The following AARSD1 variants were observed in gnomAD, a reference collection of about 807,000 sequenced individuals.
AARSD1 encodes the protein alanyl-tRNA synthetase domain containing 1, also known as alanyl-tRNA editing protein Aarsd1.
A neutral mutation model predicts 48.7 loss-of-function variants in AARSD1; 44 were observed. That is an observed-to-expected ratio of 0.90 (90% CI 0.71 to 1.16). The LOEUF (loss-of-function observed/expected upper bound fraction) is 1.16, where lower values mean the gene tolerates loss of function less well. Among genes scored for constraint, AARSD1 ranks in the 50% most tolerant of loss-of-function variants. The pLI is 0.00. For synonymous variants in AARSD1, 189 were observed against 194.9 expected, an observed-to-expected ratio of 0.97 and a Z score of 0.25; for missense variants, 511 against 523.1, an observed-to-expected ratio of 0.98 and a Z score of 0.23.
intron 2 of AARSD1, chr17:42,962,298 C>CAAAAAAA: frequency 9.3e-6 from 1 of 107,056 alleles, no homozygotes; most frequent in South Asian, 1.8e-4. Flanking sequence ...GACACCATCT[C>CAAAAAAA]AAAAAAAAAA....
chr17:42,960,327 A>G (rs1294348726), intron 3 of AARSD1, among the ~76,000 whole-genome samples: 2 of 151,876 alleles, frequency 1.3e-5, no homozygotes, highest in South Asian at 2.1e-4. Context: ...AGCCAGACTG[A>G]ATGTGGGGCA....
At chr17:42,963,991 G>C in intron 2 of AARSD1, 115 bp downstream of exon 2, 2 of 1,513,008 alleles carry the variant, frequency 1.3e-6, no homozygotes, top group South Asian at 1.3e-5. Context: ...ATAACAAAAT[G>C]AATTAAACTA....
chr17:42,964,076 G>C (rs762765338), intron 2 of AARSD1, 30 bp downstream of exon 2: 1 of 1,613,334 alleles, frequency 6.2e-7, no homozygotes. Context: ...AAGAAACTGG[G>C]GGCTTCCTGG....
chr17:42,961,291 G>A lies in AARSD1; in HGVS notation c.232C>T (p.Gln78Ter), dbSNP rs752509744. The change falls in exon 3 of 12, where the codon CAG becomes TAG. Residue 78 changes from glutamine to a stop codon, truncating the protein, a stop_gained. Coordinates refer to ENST00000427569, the MANE Select transcript of AARSD1 (RefSeq NM_001261434.2). LOFTEE classifies it high-confidence loss of function. Reference protein sequence around the residue: ...SVLRVTRRGEQADHFTQTPLD... With the variant: ...SVLRVTRRGE Reference sequence around the variant, plus strand: ...GGTGTCTGGGTGAAATGATCAGCCTGTTCCCCACGGCGAGTCACTCTCAGC... The same window carrying A: ...GGTGTCTGGGTGAAATGATCAGCCTATTCCCCACGGCGAGTCACTCTCAGC... The A allele has an allele frequency of 2.5e-6, 4 of 1,614,122 alleles. No individual in the cohort carries two copies. The highest frequency in any genetic ancestry group is 3.4e-6 in the Non-Finnish European group (4 of 1,180,016).
intron 3 of AARSD1, 157 bp from the exon 4 acceptor site, chr17:42,957,352 C>T: frequency 1.1e-6 from 1 of 881,396 alleles, no homozygotes. Context: ...TTGAAAATCA[C>T]AATGAGAATT....
intron 3 of AARSD1, among the ~76,000 whole-genome samples, chr17:42,958,522 A>C (rs2049588430): frequency 6.6e-6 from 1 of 151,796 alleles, no homozygotes; most frequent in South Asian, 2.1e-4. Context: ...AATAAAATTA[A>C]ATAAAATTTA....
At chr17:42,955,739 C>G in intron 7 of AARSD1, 103 bp downstream of exon 7, 2 of 1,561,126 alleles carry the variant, frequency 1.3e-6, no homozygotes, top group South Asian at 2.4e-5. Context: ...CCACGCCTGG[C>G]CGCACTTTAT....
rs760260630 is a variant in AARSD1 at position 42,954,982 on chromosome 17, G to C, written c.862-15C>G. ...TTCAGGTTATTCTGAAATGGATATG[G>C]TAACTCAGTAGATAAATGGAAAGGA... On this transcript the variant is annotated splice_polypyrimidine_tract_variant and intron_variant, in intron 8 of 11. Coordinates refer to ENST00000427569, the MANE Select transcript of AARSD1 (RefSeq NM_001261434.2). 2.5e-6 allele frequency: 4 copies of C among 1,613,932 alleles called. No individual in the cohort carries two copies. Among genetic ancestry groups the C allele is most frequent in the Non-Finnish European group, 2.5e-6 (3 of 1,179,956 alleles).
intron 3 of AARSD1, among the ~76,000 whole-genome samples, chr17:42,957,721 T>A (rs1040511885): frequency 3.3e-5 from 5 of 152,152 alleles, no homozygotes; most frequent in African/African-American, 1.2e-4. Context: ...TCCACCTGCC[T>A]TGGCCTCCCA....
At chr17:42,963,528 C>G (rs955044463) in intron 2 of AARSD1, among the ~76,000 whole-genome samples, 1 of 152,020 alleles carries the variant, frequency 6.6e-6, no homozygotes, top group African/African-American at 2.4e-5. Flanking sequence ...CATGTTGTAC[C>G]TAGTCCTCAT....
At chr17:42,955,610 T>G in intron 7 of AARSD1, 1 of 601,116 alleles carries the variant, frequency 1.7e-6, no homozygotes, top group Non-Finnish European at 2.6e-6. Flanking sequence ...GGCTAAGTTC[T>G]TTTTGTATTT....
At chr17:42,959,072 C>T (rs1439306428) in intron 3 of AARSD1, among the ~76,000 whole-genome samples, 9 of 146,892 alleles carry the variant, frequency 6.1e-5, no homozygotes, top group Non-Finnish European at 1.5e-5. Flanking sequence ...TGGTGCGTGC[C>T]CGTAATCCCA....
At chr17:42,951,714 A>G in intron 11 of AARSD1, 86 bp downstream of exon 11, 1 of 1,417,390 alleles carries the variant, frequency 7.1e-7, no homozygotes, top group Non-Finnish European at 9.9e-7. Flanking sequence ...GAGATCGCAG[A>G]TGTGATGGTC....
At chr17:42,959,845 G>C (rs2049608528) in intron 3 of AARSD1, among the ~76,000 whole-genome samples, 1 of 150,986 alleles carries the variant, frequency 6.6e-6, no homozygotes, top group Non-Finnish European at 1.5e-5. Flanking sequence ...TGTATTTTTA[G>C]TAGAGACAGG....
At chr17:42,962,480 T>C (rs1281325332) in intron 2 of AARSD1, among the ~76,000 whole-genome samples, 2 of 151,980 alleles carry the variant, frequency 1.3e-5, no homozygotes, top group African/African-American at 4.8e-5. Context: ...CATGCCATAA[T>C]ATGAAAAAGT....
intron 9 of AARSD1, chr17:42,954,058 TAAAG>T (rs1007137146): frequency 2.2e-6 from 1 of 448,298 alleles, no homozygotes; most frequent in Admixed American, 3.4e-5. Context: ...GGGACAGTCC[TAAAG>T]AAAGATACAG....
In AARSD1 at chr17:42,951,898, G is replaced by A; in HGVS notation, c.1009-4C>T. ...CAGTTAAGAACAGGAGGGTCTCCTA[G>A]GAGGTAAGACAAGGAGATAAGCTCT... On this transcript the variant is annotated splice_polypyrimidine_tract_variant and splice_region_variant and intron_variant, in intron 10 of 11. Transcript: ENST00000427569. 1 of 1,613,384 alleles carries A rather than the reference G, an allele frequency of 6.2e-7. No homozygotes were observed. The highest frequency in any genetic ancestry group is 8.5e-7 in the Non-Finnish European group (1 of 1,179,574).
intron 10 of AARSD1, chr17:42,952,104 T>C (rs568763305): frequency 1.1e-4 from 58 of 551,402 alleles, no homozygotes; most frequent in African/African-American, 1.0e-3. Flanking sequence ...AGGTGAAACA[T>C]TAAGAAGGCA....
intron 10 of AARSD1, among the ~76,000 whole-genome samples, chr17:42,953,167 A>T (rs2049502054): frequency 6.6e-6 from 1 of 151,888 alleles, no homozygotes; most frequent in Non-Finnish European, 1.5e-5. Context: ...TTTAGTAGAG[A>T]TAGGGTTTTA....
Sources: allele counts gnomAD v4.1 joint callset (sites outside exome capture counted in the v4.1 genomes callset), GRCh38; gene constraint gnomAD v4.1.1; transcripts MANE v1.5; gene names NCBI Gene and HGNC (gene_info 2026-07-23, HGNC 2026-07-21).